Variants in RBMS3 observed in about 807,000 individuals in gnomAD.
The protein encoded by RBMS3 is RNA-binding motif, single-stranded-interacting protein 3.
Under a neutral mutation model 66.8 loss-of-function variants are expected in RBMS3, and 27 were observed. The ratio of observed to expected loss-of-function variants is 0.40; its 90% confidence interval spans 0.30 to 0.56. RBMS3 has a LOEUF of 0.56. RBMS3 is among the 20% of genes least tolerant of loss of function. RBMS3 has a pLI of 0.40. For synonymous variants in RBMS3, 188 were observed against 183.0 expected, an observed-to-expected ratio of 1.03 and a Z score of -0.22; for missense variants, 513 against 549.5, an observed-to-expected ratio of 0.93 and a Z score of 0.66.
intron 4 of RBMS3, among the ~76,000 whole-genome samples, chr3:29,717,644 C>A (rs1263786608): frequency 1.3e-5 from 2 of 151,884 alleles, no homozygotes; most frequent in Admixed American, 6.6e-5. Flanking sequence ...TCAGTGTGTA[C>A]AGTAATGAAG....
At chr3:29,661,061 G>A (rs1355605285) in intron 4 of RBMS3, among the ~76,000 whole-genome samples, 1 of 152,194 alleles carries the variant, frequency 6.6e-6, no homozygotes, top group Non-Finnish European at 1.5e-5. Flanking sequence ...CCAGGAGCAT[G>A]CGTACAGCTA....
At chr3:29,468,129 AC>A (rs762273466) in intron 2 of RBMS3, among the ~76,000 whole-genome samples, 1 of 152,146 alleles carries the variant, frequency 6.6e-6, no homozygotes, top group Non-Finnish European at 1.5e-5. Flanking sequence ...TGGCTTCAGG[AC>A]CATGAAAAAT....
chr3:29,930,109 C>CTTTTTTTTTTTTTTTTT lies in RBMS3; in HGVS notation c.940-5973_940-5957dup, dbSNP rs775548425. 1.2e-3 allele frequency among the ~76,000 whole-genome samples: 51 copies of CTTTTTTTTTTTTTTTTT among 43,556 alleles called. 1 individual carries two copies. Among genetic ancestry groups the CTTTTTTTTTTTTTTTTT allele is most frequent in the East Asian group, 2.3e-3 (3 of 1,286 alleles). 28.6% of individuals were successfully genotyped at this position (43,556 alleles called of 152,430 possible). ...TACTTTGTGTCACTTTTCTTTCTTT[C>CTTTTTTTTTTTTTTTTT]TTTTTTTTTTTTTTTTTTTTGAGAT... is the stretch of plus-strand genomic sequence containing the variant. On this transcript the variant is annotated intron_variant, in intron 10 of 14. Transcript: ENST00000383767.
intron 11 of RBMS3, among the ~76,000 whole-genome samples, chr3:29,940,050 C>T (rs2061353815): frequency 6.6e-6 from 1 of 151,786 alleles, no homozygotes; most frequent in Admixed American, 6.6e-5. Context: ...AAGACCCAAT[C>T]AAGACCCTTT....
At chr3:29,839,624 T>G (rs2058614082) in intron 6 of RBMS3, among the ~76,000 whole-genome samples, 1 of 151,376 alleles carries the variant, frequency 6.6e-6, no homozygotes, top group African/African-American at 2.4e-5. Context: ...AATATTGAAA[T>G]GTTTATAAAA....
chr3:29,341,235 A>T (rs1253960715), intron 1 of RBMS3, among the ~76,000 whole-genome samples: 1 of 152,156 alleles, frequency 6.6e-6, no homozygotes, highest in South Asian at 2.1e-4. Flanking sequence ...TGGTAATTGC[A>T]TACAAAATTA....
At chr3:29,810,088 C>T (rs1365895360) in intron 6 of RBMS3, among the ~76,000 whole-genome samples, 1 of 152,010 alleles carries the variant, frequency 6.6e-6, no homozygotes, top group Non-Finnish European at 1.5e-5. Flanking sequence ...AAAGAAATAG[C>T]ATAGTTCATT....
chr3:29,693,160 T>G (rs1217455829), intron 4 of RBMS3, among the ~76,000 whole-genome samples: 1 of 152,166 alleles, frequency 6.6e-6, no homozygotes, highest in African/African-American at 2.4e-5. Context: ...AATACAACAC[T>G]CTTCTTTACA....
chr3:29,787,256 G>T (rs1320883515), intron 6 of RBMS3, among the ~76,000 whole-genome samples: 1 of 152,020 alleles, frequency 6.6e-6, no homozygotes, highest in Non-Finnish European at 1.5e-5. Flanking sequence ...AGTGCAACCA[G>T]TATGGAAAAA....
rs1258018596 is a variant in RBMS3, at chr3:29,437,464, GA to G, written c.248+2551del. Among the ~76,000 whole-genome samples, 3 of 152,338 alleles carry G rather than the reference GA, an allele frequency of 2.0e-5. No individual in the cohort carries two copies. In the East Asian group the frequency reaches 5.8e-4, roughly 29 times the overall value. ...ATGTTTTTTATGTGCATTTGATAAA[GA>G]ATATTAAGTGAACAGAGGATAATAG... On this transcript the variant is annotated intron_variant, in intron 2 of 14. Transcript: ENST00000383767.
At chr3:29,696,986 T>C (rs1178821770) in intron 4 of RBMS3, 1 of 985,194 alleles carries the variant, frequency 1.0e-6, no homozygotes, top group African/African-American at 1.7e-5. Flanking sequence ...TAGTTGTGAT[T>C]TCTCCAAAAC....
intron 3 of RBMS3, among the ~76,000 whole-genome samples, chr3:29,494,199 C>T (rs889368340): frequency 1.3e-5 from 2 of 152,116 alleles, no homozygotes; most frequent in African/African-American, 4.8e-5. Flanking sequence ...TAAAAATTAA[C>T]CTAATGCATT....
At chr3:29,962,873 C>T (rs1314461950) in intron 12 of RBMS3, among the ~76,000 whole-genome samples, 1 of 148,700 alleles carries the variant, frequency 6.7e-6, no homozygotes, top group Non-Finnish European at 1.5e-5. Flanking sequence ...AGGACAGCTC[C>T]TTTTTTTTTT....
chr3:29,959,191 A>G (rs991954684), intron 12 of RBMS3, among the ~76,000 whole-genome samples: 4 of 152,226 alleles, frequency 2.6e-5, no homozygotes, highest in Non-Finnish European at 5.9e-5. Flanking sequence ...GAAGATAATG[A>G]CAATACTCAC....
intron 1 of RBMS3, among the ~76,000 whole-genome samples, chr3:29,432,790 A>G (rs72853321): frequency 0.051 from 7,783 of 152,260 alleles, 425 homozygotes; most frequent in East Asian, 0.16. Context: ...AGAAGGATGG[A>G]TTAGAGCCAG....
At chr3:29,589,077 G>A (rs1027571716) in intron 4 of RBMS3, among the ~76,000 whole-genome samples, 2 of 152,204 alleles carry the variant, frequency 1.3e-5, no homozygotes, top group East Asian at 3.9e-4. Flanking sequence ...TGTATAGTTA[G>A]TTGTTAGATA....
chr3:29,946,730 G>A (rs1695339830), intron 12 of RBMS3, among the ~76,000 whole-genome samples: 1 of 151,590 alleles, frequency 6.6e-6, no homozygotes. Flanking sequence ...AAGGCACATA[G>A]TAAGGATTTA....
At chr3:29,691,690 A>C (rs1274657758) in intron 4 of RBMS3, among the ~76,000 whole-genome samples, 2 of 152,176 alleles carry the variant, frequency 1.3e-5, no homozygotes, top group Non-Finnish European at 2.9e-5. Flanking sequence ...ATGTACAAGC[A>C]CCAGGTTCAA....
At chr3:29,397,384 G>T (rs960795614) in intron 1 of RBMS3, among the ~76,000 whole-genome samples, 10 of 152,126 alleles carry the variant, frequency 6.6e-5, no homozygotes, top group African/African-American at 2.2e-4. Context: ...AAGTTCCAAG[G>T]TTCTTTATGT....
Sources: gnomAD v4.1 joint callset for allele counts (sites outside exome capture counted in the v4.1 genomes callset) on GRCh38, gnomAD v4.1.1 for gene constraint, MANE v1.5 for transcripts, NCBI Gene and HGNC (gene_info 2026-07-23, HGNC 2026-07-21) for gene names.